MTMR1: variants seen among roughly 807,000 people sequenced by gnomAD.
MTMR1 encodes myotubularin related protein 1, also known as phosphatidylinositol-3-phosphate phosphatase MTMR1.
In MTMR1, 17 loss-of-function variants were observed where a neutral mutation model predicts 51.6. The observed-to-expected ratio is 0.33, with a 90% confidence interval of 0.23 to 0.49. The LOEUF (loss-of-function observed/expected upper bound fraction) is 0.49. MTMR1 is among the 20% of genes least tolerant of loss of function. The pLI, the probability that MTMR1 is intolerant of heterozygous loss-of-function variation, is 0.99. For synonymous variants in MTMR1, 201 were observed against 205.6 expected (o/e 0.98, Z 0.19); for missense variants, 386 against 526.9 (o/e 0.73, Z 2.62).
chrX:150,732,580 T>C lies in MTMR1; in HGVS notation c.930T>C (p.Ile310=). ...SWIHPESQAT[I]TRCSQPLVGP... The stretch of plus-strand genomic sequence containing the variant: ...TTCATCCGGAAAGTCAAGCAACGAT[T>C]ACCCGTTGCAGCCAGCCACTTGTGG... The change falls in exon 10 of 16, where the codon ATT becomes ATC. Residue 310 remains isoleucine, a synonymous_variant. Transcript: ENST00000445323. 8.3e-7 allele frequency: 1 copy of C among 1,210,215 alleles called. No homozygotes were observed. Among genetic ancestry groups the C allele is most frequent in the African/African-American group, 1.7e-5 (1 of 57,809 alleles).
intron 9 of MTMR1, among the ~76,000 whole-genome samples, chrX:150,732,114 G>A (rs1194130249): frequency 2.7e-5 from 3 of 111,507 alleles, no homozygotes; most frequent in African/African-American, 9.8e-5. Context: ...AAAATGAGAG[G>A]TGGGGTGGCA....
At chrX:150,720,062 T>C (rs781885578) in intron 4 of MTMR1, among the ~76,000 whole-genome samples, 1 of 112,365 alleles carries the variant, frequency 8.9e-6, no homozygotes, top group East Asian at 2.8e-4. Context: ...TTTATGCTCC[T>C]CTGGTGGCTT....
intron 4 of MTMR1, among the ~76,000 whole-genome samples, chrX:150,719,944 CAG>C (rs1429264595): frequency 2.7e-5 from 3 of 111,256 alleles, no homozygotes; most frequent in African/African-American, 9.8e-5. Flanking sequence ...AAACAGAGCT[CAG>C]AGAGAGAGAA....
intron 15 of MTMR1, among the ~76,000 whole-genome samples, chrX:150,761,187 T>C (rs1212453206): frequency 1.8e-5 from 2 of 110,752 alleles, no homozygotes; most frequent in African/African-American, 6.6e-5. Context: ...GCCAGATGGG[T>C]CCTAAGGGTA....
At chrX:150,741,397 T>A (rs2042419559) in intron 12 of MTMR1, among the ~76,000 whole-genome samples, 1 of 112,113 alleles carries the variant, frequency 8.9e-6, no homozygotes, top group African/African-American at 3.2e-5. Flanking sequence ...CATCTCCCTG[T>A]CCTTCAAGGT....
intron 15 of MTMR1, among the ~76,000 whole-genome samples, chrX:150,756,876 C>A (rs2042918024): frequency 9.0e-6 from 1 of 111,593 alleles, no homozygotes; most frequent in African/African-American, 3.3e-5. Flanking sequence ...GTCTCAAACT[C>A]CTGACCTCAA....
At chrX:150,750,144 G>A in intron 13 of MTMR1, among the ~76,000 whole-genome samples, 1 of 111,369 alleles carries the variant, frequency 9.0e-6, no homozygotes, top group Admixed American at 9.5e-5. Context: ...AAATTCAGGG[G>A]TGTATGGTCA....
chrX:150,760,384 AGGC>A (rs2043071311), intron 15 of MTMR1, among the ~76,000 whole-genome samples: 1 of 110,725 alleles, frequency 9.0e-6, no homozygotes, highest in Non-Finnish European at 1.9e-5. Flanking sequence ...TTCTCTGAGA[AGGC>A]AGTGGCTCGA....
At position 150,752,456 on chromosome X, in the gene MTMR1, C is replaced by T. The variant is rs1453972225; in HGVS notation, c.1680+1613C>T. ...AGTTAGAGTAAAATCCACACTCCTG[C>T]GGGCCCAGTGTGATGGGGACTTGCT... On this transcript the variant is annotated intron_variant, in intron 14 of 15. Transcript: ENST00000445323. Among the ~76,000 whole-genome samples the T allele has an allele frequency of 2.9e-4, 32 of 110,909 alleles. No homozygotes were observed. The Admixed American group carries it at 3.1e-3, about 11-fold the overall frequency.
chrX:150,707,067 C>G, intron 2 of MTMR1, among the ~76,000 whole-genome samples: 1 of 109,189 alleles, frequency 9.2e-6, no homozygotes, highest in Admixed American at 9.8e-5. Context: ...CAAAACAAAA[C>G]AAAACAAAAC....
intron 12 of MTMR1, 139 bp downstream of exon 12, chrX:150,737,587 G>A (rs2042311481): frequency 2.1e-6 from 1 of 485,242 alleles, no homozygotes; most frequent in Non-Finnish European, 3.4e-6. Context: ...GACCTGAATT[G>A]CCATAATAAA....
At chrX:150,744,264 C>A in intron 12 of MTMR1, 97 bp from the exon 13 acceptor site, 1 of 601,758 alleles carries the variant, frequency 1.7e-6, no homozygotes, top group Non-Finnish European at 2.7e-6. Flanking sequence ...TTCTATTAGG[C>A]CTGATGAGAT....
Position 150,727,275 on chromosome X carries a change from C to T in MTMR1, c.413C>T (p.Thr138Met), listed in dbSNP as rs781910559. 1.7e-6 allele frequency: 2 copies of T among 1,208,757 alleles called. No homozygotes were observed. The highest frequency in any genetic ancestry group is 1.1e-6 in the Non-Finnish European group (1 of 893,321). The change falls in exon 5 of 16, where the codon ACG (threonine) becomes ATG (methionine). Residue 138 changes from threonine (T) to methionine (M), a missense_variant. Transcript: ENST00000445323. ...GCAGTGAGTGGAACCCTGACAGTGA[C>T]GGACTTTAAGCTGTACTTCAAAAAT... ...MGAVSGTLTV[T>M]DFKLYFKNVE...
chrX:150,740,719 G>A (rs1343688015), intron 12 of MTMR1, among the ~76,000 whole-genome samples: 3 of 111,284 alleles, frequency 2.7e-5, no homozygotes, highest in East Asian at 2.8e-4. Context: ...TTTGGCTCAC[G>A]ATTCTGCAGG....
chrX:150,734,740 A>G (rs1467720754), intron 10 of MTMR1, among the ~76,000 whole-genome samples: 1 of 112,473 alleles, frequency 8.9e-6, no homozygotes, highest in African/African-American at 3.2e-5. Context: ...TTTATATATA[A>G]GATTATGTCA....
upstream of MTMR1, chrX:150,693,303 C>G (rs1557415616): frequency 8.4e-6 from 2 of 237,060 alleles, no homozygotes; most frequent in Non-Finnish European, 6.0e-6. Flanking sequence ...TGGGGGTTCC[C>G]GGCGCCGGCC....
At chrX:150,755,232 A>G (rs1409591277) in intron 14 of MTMR1, among the ~76,000 whole-genome samples, 7 of 110,695 alleles carry the variant, frequency 6.3e-5, no homozygotes, top group African/African-American at 2.3e-4. Flanking sequence ...TTTTGTAGAG[A>G]CAAAGTCTCA....
chrX:150,751,241 G>A (rs949839194), intron 14 of MTMR1: 86 of 778,477 alleles, frequency 1.1e-4, no homozygotes, highest in Non-Finnish European at 1.3e-4. Flanking sequence ...CCCACTTTAG[G>A]TAGCAAGCTA....
chrX:150,709,087 ATG>A (rs1375757583), intron 2 of MTMR1, among the ~76,000 whole-genome samples: 1 of 112,098 alleles, frequency 8.9e-6, no homozygotes, highest in African/African-American at 3.2e-5. Context: ...CCCTCATTTT[ATG>A]TGTCGAAACT....
Sources: gnomAD v4.1 joint callset for allele counts (sites outside exome capture counted in the v4.1 genomes callset) on GRCh38, gnomAD v4.1.1 for gene constraint, MANE v1.5 for transcripts, NCBI Gene and HGNC (gene_info 2026-07-23, HGNC 2026-07-21) for gene names.